The following GRK4 variants were observed in gnomAD, a reference collection of about 807,000 sequenced individuals.
GRK4 encodes G protein-coupled receptor kinase 4.
A neutral mutation model predicts 77.9 loss-of-function variants in GRK4; 73 were observed. The observed-to-expected ratio is 0.94, with a 90% confidence interval of 0.78 to 1.14. The LOEUF is 1.14. Ranked by LOEUF, GRK4 falls within the 50% of genes most tolerant of loss-of-function variation. The pLI, the probability that GRK4 is intolerant of heterozygous loss-of-function variation, is 0.00. For missense variants in GRK4, 729 were observed against 700.2 expected, an observed-to-expected ratio of 1.04 and a Z score of -0.46; for synonymous variants, 257 against 254.4, an observed-to-expected ratio of 1.01 and a Z score of -0.10.
Position 3,008,010 on chromosome 4 carries a change from T to G in GRK4, c.536+182T>G, listed in dbSNP as rs1578211222. Among the ~76,000 whole-genome samples, 4 of 152,154 alleles carry G rather than the reference T, an allele frequency of 2.6e-5. 1 individual carries two copies. In the East Asian group the frequency reaches 7.7e-4, roughly 29 times the overall value. On this transcript the variant is annotated intron_variant, in intron 6 of 15. Coordinates refer to ENST00000398052, the MANE Select transcript of GRK4 (RefSeq NM_182982.3). ...ACCTGGGCAATGTAGCAAGACCCCA[T>G]CTCTAATACAACAGAAAAAAAGAAA... is the stretch of plus-strand genomic sequence containing the variant.
At chr4:2,998,991 G>C (rs146163980) in intron 4 of GRK4, among the ~76,000 whole-genome samples, 1 of 152,176 alleles carries the variant, frequency 6.6e-6, no homozygotes, top group Non-Finnish European at 1.5e-5. Flanking sequence ...AATCAAGACA[G>C]TATGGTCCTG....
At chr4:3,039,698 T>TAAAA (rs10672202) in intron 15 of GRK4, among the ~76,000 whole-genome samples, 2 of 115,196 alleles carry the variant, frequency 1.7e-5, no homozygotes, top group Non-Finnish European at 3.5e-5. Context: ...AACTCTGTCT[T>TAAAA]AAAAAAAAAA....
At chr4:3,005,843 TTCTC>T (rs1401010792) in intron 5 of GRK4, among the ~76,000 whole-genome samples, 1 of 151,898 alleles carries the variant, frequency 6.6e-6, no homozygotes, top group African/African-American at 2.4e-5. Context: ...AAACAAGGCT[TTCTC>T]TCTCTATCTG....
intron 1 of GRK4, among the ~76,000 whole-genome samples, chr4:2,967,084 CCTT>C (rs1370533463): frequency 3.9e-5 from 6 of 152,318 alleles, no homozygotes; most frequent in Admixed American, 2.0e-4. Context: ...ACCCCTCACT[CCTT>C]CTACCATGGA....
intron 4 of GRK4, among the ~76,000 whole-genome samples, chr4:3,001,662 C>T (rs901304287): frequency 3.5e-4 from 54 of 152,122 alleles, no homozygotes; most frequent in African/African-American, 8.9e-4. Context: ...CCACCACGCC[C>T]GCCCGAGACC....
At chr4:3,019,487 G>A (rs550388176) in intron 8 of GRK4, among the ~76,000 whole-genome samples, 154 bp from the exon 9 acceptor site, 3 of 152,340 alleles carry the variant, frequency 2.0e-5, no homozygotes, top group Admixed American at 6.5e-5. Flanking sequence ...CAAGAGGCAC[G>A]TGATATGTCC....
intron 5 of GRK4, among the ~76,000 whole-genome samples, chr4:3,007,359 C>T (rs1378073468): frequency 1.3e-5 from 2 of 152,172 alleles, no homozygotes; most frequent in Non-Finnish European, 2.9e-5. Flanking sequence ...GGCTCAGGTC[C>T]CTCAGCCAGT....
chr4:2,978,129 A>G (rs547430812), intron 1 of GRK4, among the ~76,000 whole-genome samples: 1 of 152,360 alleles, frequency 6.6e-6, no homozygotes, highest in South Asian at 2.1e-4. Flanking sequence ...AATTCCTAAA[A>G]GTCAGTTGCT....
chr4:2,988,350 A>C (rs1434418064), intron 2 of GRK4, among the ~76,000 whole-genome samples: 8 of 152,120 alleles, frequency 5.3e-5, no homozygotes, highest in African/African-American at 1.9e-4. Context: ...CTTATGGGTC[A>C]TTTGTAAACT....
chr4:2,986,004 AGAAGT>A (rs1724242753), intron 2 of GRK4, among the ~76,000 whole-genome samples: 1 of 151,058 alleles, frequency 6.6e-6, no homozygotes, highest in Admixed American at 6.6e-5. Flanking sequence ...AAAAAAAAAA[AGAAGT>A]CAGATATAGA....
intron 1 of GRK4, among the ~76,000 whole-genome samples, chr4:2,970,700 C>T (rs531393480): frequency 6.6e-5 from 10 of 151,374 alleles, no homozygotes; most frequent in East Asian, 3.9e-4. Flanking sequence ...GGGTCAGTCT[C>T]GCTCTGTCGC....
At chr4:2,969,500 C>T (rs1304770083) in intron 1 of GRK4, among the ~76,000 whole-genome samples, 1 of 151,986 alleles carries the variant, frequency 6.6e-6, no homozygotes, top group Admixed American at 6.6e-5. Flanking sequence ...CCTCAGCCTC[C>T]CAAGTAGCTG....
chr4:2,970,580 C>T (rs979633759), intron 1 of GRK4, among the ~76,000 whole-genome samples: 1 of 151,790 alleles, frequency 6.6e-6, no homozygotes, highest in Non-Finnish European at 1.5e-5. Flanking sequence ...ATCACTTGAA[C>T]CCGGGAGGTG....
At position 3,036,008 on chromosome 4, in the gene GRK4, CG is replaced by C. The variant is rs764670610; in HGVS notation, c.1407+490del. 6.6e-5 allele frequency among the ~76,000 whole-genome samples: 10 copies of C among 151,226 alleles called. No homozygotes were observed. In the South Asian group the frequency reaches 1.3e-3, roughly 19 times the overall value. On this transcript the variant is annotated intron_variant, in intron 13 of 15. Coordinates refer to ENST00000398052, the MANE Select transcript of GRK4 (RefSeq NM_182982.3). ...CTCATTTTCACTTCTTTTCTAGAGA[CG>C]GGGGTCTCCCTATGTTGCCCAGGCT...
At chr4:3,023,845 G>A (rs1295161112) in intron 10 of GRK4, among the ~76,000 whole-genome samples, 1 of 152,236 alleles carries the variant, frequency 6.6e-6, no homozygotes, top group African/African-American at 2.4e-5. Flanking sequence ...GGTGCAGAGT[G>A]TGTGTGTAGT....
intron 1 of GRK4, among the ~76,000 whole-genome samples, chr4:2,975,736 A>G (rs1720939097): frequency 6.6e-6 from 1 of 152,152 alleles, no homozygotes; most frequent in African/African-American, 2.4e-5. Flanking sequence ...TTCAAGGCTC[A>G]AGCAGTTCAA....
At chr4:3,020,937 G>A (rs979606247) in intron 9 of GRK4, among the ~76,000 whole-genome samples, 2 of 152,198 alleles carry the variant, frequency 1.3e-5, no homozygotes, top group Non-Finnish European at 2.9e-5. Context: ...CCGGTAGTAT[G>A]TGTAATCTAG....
chr4:3,018,768 C>T (rs1735243456), intron 8 of GRK4, among the ~76,000 whole-genome samples: 2 of 152,096 alleles, frequency 1.3e-5, no homozygotes, highest in East Asian at 1.9e-4. Context: ...ATCCCAGCTA[C>T]TCGGGAGGCT....
intron 1 of GRK4, among the ~76,000 whole-genome samples, 186 bp from the exon 2 acceptor site, chr4:2,984,327 T>C (rs1211462866): frequency 6.6e-6 from 1 of 152,190 alleles, no homozygotes; most frequent in Non-Finnish European, 1.5e-5. Context: ...ATTGCTTCCC[T>C]TGGGAATTTT....
Sources: allele counts gnomAD v4.1 joint callset (sites outside exome capture counted in the v4.1 genomes callset), GRCh38; gene constraint gnomAD v4.1.1; transcripts MANE v1.5; gene names NCBI Gene and HGNC (gene_info 2026-07-23, HGNC 2026-07-21).